The following C4orf36 variants were observed in gnomAD, a reference collection of about 807,000 sequenced individuals.
The protein encoded by C4orf36 is uncharacterized protein C4orf36.
C4orf36 carries 11 observed loss-of-function variants against 12.2 expected under a neutral mutation model. The ratio of observed to expected loss-of-function variants is 0.90; its 90% CI spans 0.57 to 1.49. C4orf36 has a LOEUF of 1.49. Ranked by LOEUF, C4orf36 falls within the 40% of genes most tolerant of loss-of-function variation. The probability of loss-of-function intolerance (pLI) is 0.00; values close to 1 mark genes in which losing one functional copy is unlikely to be tolerated. For missense variants in C4orf36, 137 were observed against 133.9 expected, an observed-to-expected ratio of 1.02 and a Z score of -0.11; for synonymous variants, 54 against 51.3, an observed-to-expected ratio of 1.05 and a Z score of -0.22.
chr4:86,915,731 G>A, the C4orf36 span, among the ~76,000 whole-genome samples: 2 of 152,174 alleles, frequency 1.3e-5, no homozygotes, highest in Non-Finnish European at 2.9e-5. Flanking sequence ...AGGTTGCGGT[G>A]AGCCAAGATT....
chr4:86,903,996 C>T, the C4orf36 span, among the ~76,000 whole-genome samples: 3 of 152,230 alleles, frequency 2.0e-5, no homozygotes, highest in Non-Finnish European at 4.4e-5. Context: ...TAGCTAGACA[C>T]AGAGTGCTGA....
chr4:86,928,772 A>G, the C4orf36 span, among the ~76,000 whole-genome samples: 3 of 152,162 alleles, frequency 2.0e-5, no homozygotes, highest in African/African-American at 4.8e-5. Context: ...AAAGGTCACT[A>G]TGAACTCTAT....
At chr4:86,918,810 CGTGTGTGTGTGTGTGT>C in the C4orf36 span, among the ~76,000 whole-genome samples, 2,993 of 150,130 alleles carry the variant, frequency 0.02, 108 homozygotes, top group African/African-American at 0.068. Flanking sequence ...GTTGTGTGTG[CGTGTGTGTGTGTGTGT>C]GTGTGTGTGC....
rs1378245949 is a variant in C4orf36, at chr4:86,876,359, GGCCGGGA to G, written c.*80_*86del. 6.3e-7 allele frequency: 1 copy of G among 1,580,420 alleles called. No homozygotes were observed. Among genetic ancestry groups the G allele is most frequent in the Non-Finnish European group, 8.6e-7 (1 of 1,165,198 alleles). On this transcript the variant is annotated 3_prime_UTR_variant, in exon 5 of 5. Coordinates refer to ENST00000295898, the MANE Select transcript of C4orf36 (RefSeq NM_144645.4). The stretch of plus-strand genomic sequence containing the variant: ...ATGGCTGCAGCGCAGCGACGGCCGG[GGCCGGGA>G]GCGGGTCCTGGGCGGCCCAGGAGAA...
At chr4:86,910,872 T>C in the C4orf36 span, among the ~76,000 whole-genome samples, 1 of 151,920 alleles carries the variant, frequency 6.6e-6, no homozygotes, top group Admixed American at 6.6e-5. Flanking sequence ...AAGACCATCC[T>C]GGCCAACATG....
chr4:86,932,770 G>T, the C4orf36 span, among the ~76,000 whole-genome samples: 1 of 128,476 alleles, frequency 7.8e-6, no homozygotes, highest in Non-Finnish European at 1.6e-5. Context: ...TTATTTGGGG[G>T]GGTGGGGGGG....
upstream of C4orf36, among the ~76,000 whole-genome samples, chr4:86,895,317 T>TAA (rs1052290963): frequency 2.0e-5 from 3 of 148,158 alleles, no homozygotes; most frequent in African/African-American, 4.9e-5. Flanking sequence ...CTGTCTCAAT[T>TAA]AAAAAAAAAA....
At chr4:86,915,408 A>G in the C4orf36 span, among the ~76,000 whole-genome samples, 13 of 152,348 alleles carry the variant, frequency 8.5e-5, no homozygotes, top group Non-Finnish European at 1.3e-4. Flanking sequence ...ATTATTCAGA[A>G]ATAGAGTCAT....
the C4orf36 span, among the ~76,000 whole-genome samples, chr4:86,900,627 C>G: frequency 6.6e-6 from 1 of 152,204 alleles, no homozygotes; most frequent in South Asian, 2.1e-4. Context: ...GACACACACT[C>G]TTGCCCTGAC....
upstream of C4orf36, chr4:86,892,522 G>T: frequency 1.1e-6 from 1 of 948,218 alleles, no homozygotes; most frequent in African/African-American, 1.8e-5. Context: ...GCGCCCCGCG[G>T]GGTCCGCTCT....
At chr4:86,933,590 A>G in the C4orf36 span, 13 of 152,276 alleles carry the variant, frequency 8.5e-5, no homozygotes, top group Non-Finnish European at 1.6e-4. Context: ...CATTTTAGAT[A>G]GAAGTGGTAA....
chr4:86,887,599 G>T, intron 4 of C4orf36, 159 bp downstream of exon 4: 1 of 689,950 alleles, frequency 1.4e-6, no homozygotes, highest in African/African-American at 1.8e-5. Context: ...GGACTCAGAA[G>T]ATCTGTCAGA....
the C4orf36 span, chr4:86,935,339 CTCTGCCGGCTT>C: frequency 3.3e-5 from 5 of 152,530 alleles, no homozygotes; most frequent in Non-Finnish European, 7.3e-5. Context: ...CTCCCCGCCT[CTCTGCCGGCTT>C]CCCAGCACGC....
At chr4:86,892,544 G>T, upstream of C4orf36, 2 of 805,682 alleles carry the variant, frequency 2.5e-6, no homozygotes, top group South Asian at 5.6e-5. Context: ...TGGTAACCGG[G>T]CCGGGGCAGG....
chr4:86,887,855 A>G lies in C4orf36; in HGVS notation c.259T>C (p.Cys87Arg), dbSNP rs1578777707. Reference protein sequence around the residue: ...LEREYEVKRLCKLKCQENTSK... With the variant: ...LEREYEVKRLRKLKCQENTSK... ...GTATTTTCTTGACACTTCAGTTTAC[A>G]AAGACGCTTCACTTCATACTCCCTT... The change falls in exon 4 of 5, where the codon TGT becomes CGT. Residue 87 changes from cysteine to arginine, a missense_variant. Coordinates refer to ENST00000295898, the MANE Select transcript of C4orf36 (RefSeq NM_144645.4). 1.2e-6 allele frequency: 2 copies of G among 1,614,196 alleles called. No individual in the cohort carries two copies. Among genetic ancestry groups the G allele is most frequent in the Non-Finnish European group, 1.7e-6 (2 of 1,180,018 alleles).
the C4orf36 span, among the ~76,000 whole-genome samples, chr4:86,911,683 C>G: frequency 0.13 from 20,170 of 152,164 alleles, 1,815 homozygotes; most frequent in Non-Finnish European, 0.19. Context: ...GTCTGTCTCT[C>G]TGTCTCTCTC....
chr4:86,934,413 A>G, the C4orf36 span: 3 of 152,108 alleles, frequency 2.0e-5, no homozygotes, highest in Non-Finnish European at 4.4e-5. Context: ...GAGAGCAGAA[A>G]CCCGGAGGCT....
the C4orf36 span, among the ~76,000 whole-genome samples, chr4:86,926,614 T>C: frequency 6.6e-6 from 1 of 152,100 alleles, no homozygotes; most frequent in Admixed American, 6.6e-5. Flanking sequence ...TTCCTTAGCT[T>C]GGAACTCCAA....
intron 4 of C4orf36, among the ~76,000 whole-genome samples, chr4:86,879,925 A>C (rs1178412972): frequency 6.6e-6 from 1 of 150,858 alleles, no homozygotes; most frequent in African/African-American, 2.4e-5. Flanking sequence ...ATCATAGCTC[A>C]CTGCAGCCTC....
Sources: allele counts gnomAD v4.1 joint callset (sites outside exome capture counted in the v4.1 genomes callset), GRCh38; gene constraint gnomAD v4.1.1; transcripts MANE v1.5; gene names NCBI Gene and HGNC (gene_info 2026-07-23, HGNC 2026-07-21).